SCN2A: variants seen among roughly 807,000 people sequenced by gnomAD.
The protein encoded by SCN2A is sodium voltage-gated channel alpha subunit 2.
A neutral mutation model predicts 188.7 loss-of-function variants in SCN2A; 20 were observed. The observed-to-expected ratio is 0.11, with a 90% confidence interval of 0.07 to 0.15. SCN2A has a LOEUF of 0.15. SCN2A is among the 10% of genes least tolerant of loss of function. The pLI is 1.00. For missense variants in SCN2A, 1,278 were observed against 2,445.0 expected (o/e 0.52, Z 10.07); for synonymous variants, 804 against 833.1 (o/e 0.97, Z 0.60).
intron 21 of SCN2A, 75 bp from the exon 22 acceptor site, chr2:165,374,610 T>A: frequency 6.6e-7 from 1 of 1,507,560 alleles, no homozygotes; most frequent in Non-Finnish European, 9.1e-7. Context: ...TTGACTGTTC[T>A]TTTAATAATG....
At chr2:165,250,615 GA>G (rs1166405422) in intron 1 of SCN2A, among the ~76,000 whole-genome samples, 1 of 151,462 alleles carries the variant, frequency 6.6e-6, no homozygotes, top group Non-Finnish European at 1.5e-5. Context: ...ACCAATAACA[GA>G]TTAACCAACA....
chr2:165,297,913 T>C (rs1415002104), intron 3 of SCN2A, among the ~76,000 whole-genome samples: 1 of 152,180 alleles, frequency 6.6e-6, no homozygotes, highest in Non-Finnish European at 1.5e-5. Flanking sequence ...GCAATTTGAT[T>C]GATTCCTTGA....
chr2:165,331,418 A>G lies in SCN2A; in HGVS notation c.2238A>G (p.Leu746=), dbSNP rs1338419981. 6.2e-7 allele frequency: 1 copy of G among 1,613,888 alleles called. No individual in the cohort carries two copies. The highest frequency in any genetic ancestry group is 8.5e-7 in the Non-Finnish European group (1 of 1,179,784). Residue 746 remains leucine (L), a synonymous_variant, in exon 14 of 27, where the codon TTA becomes TTG. Coordinates refer to ENST00000375437, the MANE Select transcript of SCN2A (RefSeq NM_001040142.2). ...TTTGGGACTGTTGTAAACCATGGTT[A>G]AAGGTGAAACACCTTGTCAACCTGG... is the stretch of plus-strand genomic sequence containing the variant. The part of the protein sequence containing the change: ...CLIWDCCKPW[L]KVKHLVNLVV...
chr2:165,278,916 C>A (rs1695465142), intron 1 of SCN2A, among the ~76,000 whole-genome samples: 1 of 151,634 alleles, frequency 6.6e-6, no homozygotes, highest in Non-Finnish European at 1.5e-5. Context: ...GGCAACAGAG[C>A]AGAACCTTGT....
chr2:165,354,045 C>G, intron 16 of SCN2A, 147 bp from the exon 17 acceptor site: 1 of 1,000,938 alleles, frequency 1.0e-6, no homozygotes, highest in East Asian at 2.4e-5. Flanking sequence ...ATTTCATTCA[C>G]TTTTTTTCAG....
chr2:165,296,345 C>G (rs1696510886), intron 2 of SCN2A: 1 of 509,902 alleles, frequency 2.0e-6, no homozygotes, highest in Admixed American at 3.2e-5. Flanking sequence ...GGACAAAAGC[C>G]TATTCACCTT....
chr2:165,242,791 CAGAA>C (rs1367121322), intron 1 of SCN2A, among the ~76,000 whole-genome samples: 9 of 152,202 alleles, frequency 5.9e-5, no homozygotes, highest in Non-Finnish European at 1.2e-4. Flanking sequence ...GTGGAAGAGA[CAGAA>C]GGAAGGTTTG....
intron 5 of SCN2A, 73 bp downstream of exon 5, chr2:165,308,867 G>A: frequency 1.3e-6 from 2 of 1,581,324 alleles, no homozygotes; most frequent in South Asian, 1.1e-5. Flanking sequence ...ATTTTCCTTG[G>A]TGGCTTGCCT....
At chr2:165,291,598 T>TCTCA (rs1402025924) in intron 1 of SCN2A, among the ~76,000 whole-genome samples, 1 of 94,610 alleles carries the variant, frequency 1.1e-5, no homozygotes, top group African/African-American at 3.0e-5. Flanking sequence ...TCTCTCTCTC[T>TCTCA]CTTTCTTTCT....
intron 12 of SCN2A, among the ~76,000 whole-genome samples, chr2:165,325,703 T>C (rs1306040504): frequency 6.6e-6 from 1 of 152,166 alleles, no homozygotes; most frequent in African/African-American, 2.4e-5. Context: ...CCCTTTGGAT[T>C]AAAAGACTTT....
chr2:165,286,389 A>G (rs1270148133), intron 1 of SCN2A, among the ~76,000 whole-genome samples: 1 of 152,224 alleles, frequency 6.6e-6, no homozygotes, highest in Non-Finnish European at 1.5e-5. Flanking sequence ...AAATGTGAAG[A>G]CTGAATTGAA....
intron 1 of SCN2A, among the ~76,000 whole-genome samples, chr2:165,280,493 T>G (rs353110): frequency 0.96 from 146,231 of 152,138 alleles, 70,521 homozygotes; most frequent in East Asian, 1. Flanking sequence ...TTGCTTTAGA[T>G]AACTGTCTTC....
chr2:165,328,656 AT>A (rs1294556025), intron 13 of SCN2A: 1 of 252,964 alleles, frequency 4.0e-6, no homozygotes, highest in African/African-American at 2.3e-5. Flanking sequence ...ACTAATTAAG[AT>A]TTGGAGTTCA....
rs1289544435 is a variant in SCN2A, at chr2:165,367,286, T to C, written c.3590T>C (p.Leu1197Ser). The change falls in exon 19 of 27, where the codon TTG (leucine) becomes TCG (serine). Residue 1197 changes from leucine (L) to serine (S), a missense_variant. Around this residue, in one of 17 missense-constraint regions of SCN2A, gnomAD observed 228 missense variants for 297.3 expected, o/e 0.77. Coordinates refer to ENST00000375437, the MANE Select transcript of SCN2A (RefSeq NM_001040142.2). ...GGCAAAGGGAAACTCTGGTGGAATT[T>C]GAGGAAAACATGCTATAAGATAGTG... ...EEGKGKLWWN[L>S]RKTCYKIVEH... 1 of 1,614,154 alleles carries C rather than the reference T, an allele frequency of 6.2e-7. No homozygotes were observed. Among genetic ancestry groups the C allele is most frequent in the Non-Finnish European group, 8.5e-7 (1 of 1,179,994 alleles).
chr2:165,266,880 T>A (rs1299200266), intron 1 of SCN2A: 2 of 152,090 alleles, frequency 1.3e-5, no homozygotes, highest in Non-Finnish European at 2.9e-5. Context: ...AAGAATCAAC[T>A]ATTTGCAAGA....
intron 3 of SCN2A, among the ~76,000 whole-genome samples, chr2:165,305,598 C>G (rs1458339473): frequency 7.7e-6 from 1 of 129,096 alleles, no homozygotes; most frequent in East Asian, 2.0e-4. Flanking sequence ...ATTGGAACCT[C>G]CTGAAAGCAG....
chr2:165,358,003 A>G (rs1232266984), intron 17 of SCN2A, among the ~76,000 whole-genome samples: 1 of 152,192 alleles, frequency 6.6e-6, no homozygotes, highest in Non-Finnish European at 1.5e-5. Flanking sequence ...TGAGTCATAC[A>G]AAGCATGGTC....
chr2:165,291,751 A>G (rs1487002869), intron 1 of SCN2A, among the ~76,000 whole-genome samples: 1 of 151,280 alleles, frequency 6.6e-6, no homozygotes, highest in Non-Finnish European at 1.5e-5. Flanking sequence ...TCCCAGCTCC[A>G]ACTCCACTTT....
chr2:165,331,211 G>T, intron 13 of SCN2A, 119 bp from the exon 14 acceptor site: 1 of 824,986 alleles, frequency 1.2e-6, no homozygotes, highest in Non-Finnish European at 2.0e-6. Context: ...TCCTCCAGCA[G>T]ATTAACCCAT....
Sources: allele counts gnomAD v4.1 joint callset (sites outside exome capture counted in the v4.1 genomes callset), GRCh38; gene constraint gnomAD v4.1.1; regional missense constraint gnomAD v4.1.1; transcripts MANE v1.5; gene names NCBI Gene and HGNC (gene_info 2026-07-23, HGNC 2026-07-21).